The following PBX3 variants were observed in gnomAD, a reference collection of about 807,000 sequenced individuals.
The protein encoded by PBX3 is pre-B-cell leukemia transcription factor 3.
In PBX3, 14 loss-of-function variants were observed where a neutral mutation model predicts 48.5. The observed-to-expected ratio is 0.29, with a 90% CI of 0.19 to 0.45. PBX3 has a LOEUF of 0.45. Ranked by LOEUF, PBX3 falls within the 20% of genes least tolerant of loss-of-function variation. The pLI, the probability that PBX3 is intolerant of heterozygous loss-of-function variation, is 1.00. For synonymous variants in PBX3, 210 were observed against 200.3 expected (o/e 1.05, Z -0.41); for missense variants, 386 against 546.7 (o/e 0.71, Z 2.93).
At chr9:125,916,680 A>C (rs1841342175) in intron 3 of PBX3, among the ~76,000 whole-genome samples, 1 of 152,226 alleles carries the variant, frequency 6.6e-6, no homozygotes, top group Non-Finnish European at 1.5e-5. Flanking sequence ...CAGAGATGTT[A>C]AAATGTGGAG....
At chr9:125,769,591 G>A (rs1481021175) in intron 2 of PBX3, among the ~76,000 whole-genome samples, 1 of 152,178 alleles carries the variant, frequency 6.6e-6, no homozygotes, top group Non-Finnish European at 1.5e-5. Flanking sequence ...TAGCGTATTT[G>A]TTAAGTGCCT....
intron 2 of PBX3, among the ~76,000 whole-genome samples, chr9:125,825,779 G>A (rs1838791185): frequency 6.6e-6 from 1 of 152,160 alleles, no homozygotes; most frequent in Non-Finnish European, 1.5e-5. Flanking sequence ...GCATCACTGT[G>A]TACTTCTGCT....
At chr9:125,887,181 C>T (rs2132370745) in intron 2 of PBX3, among the ~76,000 whole-genome samples, 1 of 152,170 alleles carries the variant, frequency 6.6e-6, no homozygotes, top group East Asian at 1.9e-4. Flanking sequence ...TCAACTAATT[C>T]TTTATAATAT....
intron 2 of PBX3, among the ~76,000 whole-genome samples, chr9:125,858,014 A>G (rs1396790719): frequency 2.6e-5 from 4 of 152,256 alleles, no homozygotes; most frequent in African/African-American, 9.6e-5. Context: ...GAGGCCATGC[A>G]TAAATTCAGA....
intron 3 of PBX3, among the ~76,000 whole-genome samples, chr9:125,927,883 T>C (rs1841613492): frequency 6.6e-6 from 1 of 151,836 alleles, no homozygotes; most frequent in Non-Finnish European, 1.5e-5. Flanking sequence ...TAAAAAAGAT[T>C]TAAAAATTAG....
At chr9:125,748,137 A>G in intron 1 of PBX3, 1 of 614,468 alleles carries the variant, frequency 1.6e-6, no homozygotes, top group Non-Finnish European at 2.0e-6. Flanking sequence ...TCGGAGAGGG[A>G]GGGCCGCCTT....
At chr9:125,894,597 A>G (rs1401236597) in intron 2 of PBX3, among the ~76,000 whole-genome samples, 4 of 152,156 alleles carry the variant, frequency 2.6e-5, no homozygotes, top group African/African-American at 9.7e-5. Flanking sequence ...ACCTGAGTCA[A>G]TAAGTGGGTT....
intron 2 of PBX3, among the ~76,000 whole-genome samples, chr9:125,774,623 C>T (rs1261042755): frequency 6.7e-6 from 1 of 150,284 alleles, no homozygotes; most frequent in East Asian, 2.0e-4. Flanking sequence ...GGATATACTA[C>T]AATTTGTTTA....
chr9:125,776,398 C>T (rs1482583717), intron 2 of PBX3, among the ~76,000 whole-genome samples: 2 of 151,876 alleles, frequency 1.3e-5, no homozygotes, highest in Non-Finnish European at 2.9e-5. Context: ...TCCATTTGGT[C>T]ATAATGTGAA....
chr9:125,966,774 C>G lies in PBX3; in HGVS notation c.*851C>G, dbSNP rs1842542096. ...CAATCAAAACACAGCTTTATTACCT[C>G]ATGCGAACTCATACAAACCAATAGA... On this transcript the variant is annotated 3_prime_UTR_variant, in exon 9 of 9. Transcript: ENST00000373489. The G allele has an allele frequency of 6.6e-6, 1 of 152,644 alleles. No individual in the cohort carries two copies. The highest frequency in any genetic ancestry group is 2.1e-4 in the South Asian group (1 of 4,832). 9.5% of individuals were successfully genotyped at this position (152,644 alleles called of 1,614,324 possible). A position where few individuals can be genotyped will look rare whatever the true frequency, so the allele number is the denominator to read the frequency against.
intron 2 of PBX3, among the ~76,000 whole-genome samples, chr9:125,866,761 C>G (rs540327579): frequency 5.9e-5 from 9 of 152,230 alleles, no homozygotes; most frequent in African/African-American, 2.2e-4. Flanking sequence ...AATATTTCTG[C>G]TTAAAAAATT....
chr9:125,758,413 A>G (rs756691767), intron 2 of PBX3, among the ~76,000 whole-genome samples: 11 of 152,144 alleles, frequency 7.2e-5, no homozygotes, highest in Non-Finnish European at 1.6e-4. Context: ...AGTGTTTTCT[A>G]AAGACTGAAC....
At chr9:125,883,064 T>C (rs925252152) in intron 2 of PBX3, among the ~76,000 whole-genome samples, 3 of 152,206 alleles carry the variant, frequency 2.0e-5, no homozygotes, top group African/African-American at 7.2e-5. Flanking sequence ...TAGAATAACA[T>C]TCTGCCTACT....
At chr9:125,764,386 G>A (rs986014783) in intron 2 of PBX3, among the ~76,000 whole-genome samples, 2 of 152,152 alleles carry the variant, frequency 1.3e-5, no homozygotes, top group Non-Finnish European at 2.9e-5. Flanking sequence ...TGAGTGAGAA[G>A]GCTGATATAT....
chr9:125,810,504 T>G lies in PBX3; in HGVS notation c.274+61881T>G, dbSNP rs189386228. ...TTTTTACAGAATTTCATTCTGACTC[T>G]CCATGATTTCCACTTCTAAATGTCT... On this transcript the variant is annotated intron_variant, in intron 2 of 8. Coordinates refer to ENST00000373489, the MANE Select transcript of PBX3 (RefSeq NM_006195.6). Among the ~76,000 whole-genome samples, 213 of 152,202 alleles carry G rather than the reference T, an allele frequency of 1.4e-3. 2 individuals are homozygous for G. Among genetic ancestry groups the G allele is most frequent in the African/African-American group, 4.6e-3 (193 of 41,506 alleles).
At chr9:125,809,083 C>CA (rs1838211236) in intron 2 of PBX3, among the ~76,000 whole-genome samples, 1 of 152,122 alleles carries the variant, frequency 6.6e-6, no homozygotes, top group Non-Finnish European at 1.5e-5. Context: ...CACAAAATTA[C>CA]AAAAAACCTG....
At position 125,766,872 on chromosome 9, in the gene PBX3, A is replaced by G. The variant is rs546333800; in HGVS notation, c.274+18249A>G. Among the ~76,000 whole-genome samples the G allele has an allele frequency of 1.2e-4, 19 of 152,306 alleles. No homozygotes were observed. The South Asian group carries it at 3.3e-3, about 27-fold the overall frequency. On this transcript the variant is annotated intron_variant, in intron 2 of 8. Coordinates refer to ENST00000373489, the MANE Select transcript of PBX3 (RefSeq NM_006195.6). ...AAGAGTAGTTAAGTAAAAAAATACT[A>G]TGATTATGAGTTATTGAAATGAATG...
At chr9:125,761,889 A>C (rs1008119133) in intron 2 of PBX3, among the ~76,000 whole-genome samples, 1 of 152,176 alleles carries the variant, frequency 6.6e-6, no homozygotes, top group East Asian at 1.9e-4. Flanking sequence ...TGATGCTGCT[A>C]TTTATAGATC....
chr9:125,881,946 A>G (rs1254056559), intron 2 of PBX3, among the ~76,000 whole-genome samples: 1 of 152,006 alleles, frequency 6.6e-6, no homozygotes, highest in Admixed American at 6.6e-5. Flanking sequence ...AGTCTCTGCA[A>G]TCCCAGCACT....
Sources: gnomAD v4.1 joint callset for allele counts (sites outside exome capture counted in the v4.1 genomes callset) on GRCh38, gnomAD v4.1.1 for gene constraint, MANE v1.5 for transcripts, NCBI Gene and HGNC (gene_info 2026-07-23, HGNC 2026-07-21) for gene names.